The following PLA2G4D variants were observed in gnomAD, a reference collection of about 807,000 sequenced individuals.
PLA2G4D encodes the protein cytosolic phospholipase A2 delta.
A neutral mutation model predicts 94.4 loss-of-function variants in PLA2G4D; 80 were observed. The observed-to-expected ratio is 0.85, with a 90% CI of 0.71 to 1.02. PLA2G4D has a LOEUF of 1.02. Among genes scored for constraint, PLA2G4D ranks in the 50% least tolerant of loss-of-function variants. The pLI, the probability that PLA2G4D is intolerant of heterozygous loss-of-function variation, is 0.00. For missense variants in PLA2G4D, 1,050 were observed against 1,034.7 expected (o/e 1.01, Z -0.20); for synonymous variants, 438 against 440.9 (o/e 0.99, Z 0.08).
rs145134059 is a variant in PLA2G4D, at chr15:42,079,693, G to A, written c.1161C>T (p.Tyr387=). The A allele has an allele frequency of 2.5e-5, 41 of 1,612,026 alleles. No individual in the cohort carries two copies. The highest frequency in any genetic ancestry group is 3.4e-5 in the Non-Finnish European group (40 of 1,179,290). ...TGCTCTTGGCCAGGTGCTCCCGGGC[G>A]TATCTGATAGGTCCCTCCAGGTCCC... is the stretch of plus-strand genomic sequence containing the variant. ...SQRDLEGPIR[Y]AREHLAKSKL... is the part of the protein sequence containing the mutation. Residue 387 remains tyrosine, a synonymous_variant, in exon 13 of 20, where the codon TAC becomes TAT. Coordinates refer to ENST00000290472, the MANE Select transcript of PLA2G4D (RefSeq NM_178034.4).
In PLA2G4D at chr15:42,084,168, C is replaced by T. The variant is rs550142830; in HGVS notation, c.472-389G>A. On this transcript the variant is annotated intron_variant, in intron 6 of 19. Coordinates refer to ENST00000290472, the MANE Select transcript of PLA2G4D (RefSeq NM_178034.4). This position sits in a 1 kb window ranked among gnomAD's most constrained non-coding sequence, Gnocchi z 4.8. ...AGCCGCCCATCCATAGGAGGGTAGA[C>T]GGGGCGTCGGACAAACCCTCAGAAC... The T allele has an allele frequency of 1.1e-4, 22 of 201,954 alleles. No individual in the cohort carries two copies. Among genetic ancestry groups the T allele is most frequent in the Admixed American group, 8.1e-4 (15 of 18,588 alleles). 12.5% of individuals were successfully genotyped at this position (201,954 alleles called of 1,614,324 possible).
rs776580170 is a variant in PLA2G4D, at chr15:42,085,534, G to A, written c.388-3C>T. On this transcript the variant is annotated splice_polypyrimidine_tract_variant and splice_region_variant and intron_variant, in intron 4 of 19. Transcript: ENST00000290472. ...TCCACATCCAGCTCCTCCTCTCCCT[G>A]AAATCAGAGAGCATGAGCAAGTCAT... The A allele has an allele frequency of 3.7e-6, 6 of 1,613,274 alleles. No individual in the cohort carries two copies. Among genetic ancestry groups the A allele is most frequent in the Non-Finnish European group, 5.1e-6 (6 of 1,179,206 alleles).
chr15:42,079,538 T>G lies in PLA2G4D; in HGVS notation c.1316A>C (p.Gln439Pro), dbSNP rs1370362131. The change falls in exon 13 of 20, where the codon CAG (glutamine) becomes CCG (proline). Residue 439 changes from glutamine to proline, a missense_variant and splice_region_variant. Transcript: ENST00000290472. The part of the protein sequence containing the change: ...ALVLESMLHG[Q>P]VMDQKLSGQR... ...CCCCCACGTGCGCAGGCGCCCTACC[T>G]GGCCGTGCAGCATGGACTCCAGCAC... 2 of 1,598,338 alleles carry G rather than the reference T, an allele frequency of 1.3e-6. No homozygotes were observed. The highest frequency in any genetic ancestry group is 1.3e-5 in the African/African-American group (1 of 74,518).
Position 42,086,339 on chromosome 15 carries a change from A to C in PLA2G4D, c.261T>G (p.Val87=), listed in dbSNP as rs1455935517. 1 of 1,613,722 alleles carries C rather than the reference A, an allele frequency of 6.2e-7. No individual in the cohort carries two copies. The highest frequency in any genetic ancestry group is 2.2e-5 in the East Asian group (1 of 44,866). ...CCTCATCATAGATGCTAAGCTCCAG[A>C]ACATTCTAGGAACCAGGAACAGCGA... is the stretch of plus-strand genomic sequence containing the variant. The part of the protein sequence containing the change: ...RFLIQSQVKN[V]LELSIYDEDS... Residue 87 remains valine (V), a synonymous_variant, in exon 4 of 20, where the codon GTT becomes GTG. Transcript: ENST00000290472.
chr15:42,092,141 G>T (rs1488175541), intron 1 of PLA2G4D, among the ~76,000 whole-genome samples: 1 of 152,022 alleles, frequency 6.6e-6, no homozygotes, highest in African/African-American at 2.4e-5. Flanking sequence ...ACCCTGTGGG[G>T]CTGGTCCCTA....
intron 1 of PLA2G4D, among the ~76,000 whole-genome samples, chr15:42,088,683 T>C (rs1890197837): frequency 6.6e-6 from 1 of 152,186 alleles, no homozygotes; most frequent in Admixed American, 6.5e-5. Flanking sequence ...AGGAAGGCTG[T>C]TGGCCTTGCA....
Position 42,084,001 on chromosome 15 carries a change from T to G in PLA2G4D, c.472-222A>C. ...GCCAGGAGGGCCCTGGCTCCACACCTCCCCTCCAGCTCCCCTGGCTTTGCC... is the reference window on the plus strand; with the variant it reads ...GCCAGGAGGGCCCTGGCTCCACACCGCCCCTCCAGCTCCCCTGGCTTTGCC... On this transcript the variant is annotated intron_variant, in intron 6 of 19. Transcript: ENST00000290472. This position sits in a 1 kb window ranked among gnomAD's most constrained non-coding sequence, Gnocchi z 4.8. 1.8e-6 allele frequency: 1 copy of G among 551,562 alleles called. No individual in the cohort carries two copies. Among genetic ancestry groups the G allele is most frequent in the Non-Finnish European group, 3.3e-6 (1 of 306,936 alleles). 34.2% of individuals were successfully genotyped at this position (551,562 alleles called of 1,614,324 possible). A position where few individuals can be genotyped will look rare whatever the true frequency, so the allele number is the denominator to read the frequency against.
chr15:42,083,791 C>G lies in PLA2G4D; in HGVS notation c.472-12G>C. 6.2e-7 allele frequency: 1 copy of G among 1,613,382 alleles called. No individual in the cohort carries two copies. The highest frequency in any genetic ancestry group is 8.5e-7 in the Non-Finnish European group (1 of 1,179,990). ...GACAGCTCTCGGGCCTGGGGAAGACCACATCATGGGCAGGGGCCTCTGCAG... is the reference window on the plus strand; with the variant it reads ...GACAGCTCTCGGGCCTGGGGAAGACGACATCATGGGCAGGGGCCTCTGCAG... On this transcript the variant is annotated splice_polypyrimidine_tract_variant and intron_variant, in intron 6 of 19. Transcript: ENST00000290472.
intron 1 of PLA2G4D, among the ~76,000 whole-genome samples, chr15:42,092,109 G>A (rs377199546): frequency 2.0e-5 from 3 of 152,010 alleles, no homozygotes; most frequent in African/African-American, 4.8e-5. Flanking sequence ...TCTCGTCACC[G>A]CACACGGGGA....
intron 13 of PLA2G4D, among the ~76,000 whole-genome samples, chr15:42,073,071 T>C (rs1055243864): frequency 1.3e-5 from 2 of 152,174 alleles, no homozygotes; most frequent in African/African-American, 4.8e-5. Flanking sequence ...GGTGCAATCT[T>C]GGATCACTGC....
At chr15:42,074,336 A>T (rs1048806969) in intron 13 of PLA2G4D, among the ~76,000 whole-genome samples, 7 of 152,194 alleles carry the variant, frequency 4.6e-5, no homozygotes, top group Admixed American at 4.6e-4. Context: ...GTCCCATGGG[A>T]AACACTGGAG....
In PLA2G4D at chr15:42,079,662, C is replaced by G; in HGVS notation, c.1192G>C (p.Glu398Gln). ...GCCAGGCGCTCTGGGGAAAAGACCT[C>G]CAGCTTGCTCTTGGCCAGGTGCTCC... Reference protein sequence around the residue: ...AREHLAKSKLEVFSPERLASY... With the variant: ...AREHLAKSKLQVFSPERLASY... The change falls in exon 13 of 20, where the codon GAG becomes CAG. Residue 398 changes from glutamate to glutamine, a missense_variant. Transcript: ENST00000290472. The G allele has an allele frequency of 6.2e-7, 1 of 1,613,084 alleles. No individual in the cohort carries two copies. The highest frequency in any genetic ancestry group is 1.3e-5 in the African/African-American group (1 of 74,958).
At position 42,071,491 on chromosome 15, in the gene PLA2G4D, G is replaced by C; in HGVS notation, c.1634C>G (p.Ser545Cys). The C allele has an allele frequency of 6.2e-7, 1 of 1,614,008 alleles. No individual in the cohort carries two copies. The highest frequency in any genetic ancestry group is 8.5e-7 in the Non-Finnish European group (1 of 1,179,932). Residue 545 changes from serine to cysteine, a missense_variant, in exon 16 of 20, where the codon TCT (serine) becomes TGT (cysteine). Transcript: ENST00000290472. ...GATGTGCTGTTTCCAGGACTCCCCAGAACTGGTGAGGTCATACCAGGCATC... is the reference window on the plus strand; with the variant it reads ...GATGTGCTGTTTCCAGGACTCCCCACAACTGGTGAGGTCATACCAGGCATC... The part of the protein sequence containing the change: ...LLDAWYDLTS[S>C]GESWKQHIKD...
chr15:42,074,377 G>A (rs573826917), intron 13 of PLA2G4D, among the ~76,000 whole-genome samples: 1 of 152,272 alleles, frequency 6.6e-6, no homozygotes, highest in South Asian at 2.1e-4. Context: ...GCAGACTAAA[G>A]GGAAGGAAAG....
At chr15:42,086,709 G>A (rs1314502610) in intron 3 of PLA2G4D, among the ~76,000 whole-genome samples, 4 of 151,976 alleles carry the variant, frequency 2.6e-5, no homozygotes, top group African/African-American at 7.3e-5. Flanking sequence ...CAAATTATCT[G>A]GACATGGTGG....
chr15:42,086,160 C>A, intron 4 of PLA2G4D, 53 bp downstream of exon 4: 4 of 1,518,482 alleles, frequency 2.6e-6, no homozygotes, highest in Non-Finnish European at 3.6e-6. Context: ...ACTTCCTCAG[C>A]TTGGAGTTGG....
chr15:42,081,742 C>T, intron 10 of PLA2G4D, 55 bp downstream of exon 10: 1 of 1,613,656 alleles, frequency 6.2e-7, no homozygotes, highest in Non-Finnish European at 8.5e-7. Context: ...GTCCATAGCC[C>T]TCCCCTCCTG....
At chr15:42,092,103 G>A (rs754384078) in intron 1 of PLA2G4D, among the ~76,000 whole-genome samples, 40 of 151,806 alleles carry the variant, frequency 2.6e-4, no homozygotes, top group Non-Finnish European at 4.0e-4. Flanking sequence ...AAACTCTCTC[G>A]TCACCGCACA....
chr15:42,079,341 A>G (rs1889987540), intron 13 of PLA2G4D, among the ~76,000 whole-genome samples, 196 bp downstream of exon 13: 1 of 152,274 alleles, frequency 6.6e-6, no homozygotes, highest in Non-Finnish European at 1.5e-5. Flanking sequence ...TGGGAGATCC[A>G]GAAATTTCTG....
Sources: allele counts gnomAD v4.1 joint callset (sites outside exome capture counted in the v4.1 genomes callset), GRCh38; gene constraint gnomAD v4.1.1; non-coding constraint Gnocchi (gnomAD v3.1); transcripts MANE v1.5; gene names NCBI Gene and HGNC (gene_info 2026-07-23, HGNC 2026-07-21).